TRIM5: variants seen among roughly 807,000 people sequenced by gnomAD.
TRIM5 encodes the protein tripartite motif containing 5, also known as tripartite motif-containing protein 5.
Under a neutral mutation model 35.6 loss-of-function variants are expected in TRIM5, and 31 were observed. The ratio of observed to expected loss-of-function variants is 0.87; its 90% confidence interval spans 0.65 to 1.18. TRIM5 has a LOEUF of 1.18. TRIM5 is among the 50% of genes most tolerant of loss of function. The pLI, the probability that TRIM5 is intolerant of heterozygous loss-of-function variation, is 0.00. For synonymous variants in TRIM5, 243 were observed against 215.6 expected (o/e 1.13, Z -1.11); for missense variants, 609 against 591.6 (o/e 1.03, Z -0.31).
chr11:5,664,788 G>C lies in TRIM5; in HGVS notation c.*21C>G, dbSNP rs779359933. 1 of 1,561,626 alleles carries C rather than the reference G, an allele frequency of 6.4e-7. No homozygotes were observed. The highest frequency in any genetic ancestry group is 1.3e-5 in the South Asian group (1 of 79,956). On this transcript the variant is annotated 3_prime_UTR_variant, in exon 8 of 8. Transcript: ENST00000380034. ...CTGGACAAGAGGTGCTGTACAGAAG[G>C]GGCTGAGTGTGTAAGAAGGTTCAAG...
the TRIM5 span, among the ~76,000 whole-genome samples, chr11:5,599,658 C>T: frequency 6.6e-6 from 1 of 152,162 alleles, no homozygotes; most frequent in Non-Finnish European, 1.5e-5. Flanking sequence ...CTGCCTCAGC[C>T]TCCCAAAGTG....
the TRIM5 span, chr11:5,611,348 C>A: frequency 1.2e-6 from 2 of 1,605,674 alleles, no homozygotes; most frequent in South Asian, 2.2e-5. Flanking sequence ...CTTGAATATT[C>A]TTCTGTTCCC....
chr11:5,663,424 A>G lies in TRIM5; in HGVS notation c.*1385T>C, dbSNP rs1308872488. The G allele has an allele frequency of 1.0e-6, 1 of 984,744 alleles. No homozygotes were observed. The highest frequency in any genetic ancestry group is 6.1e-5 in the Admixed American group (1 of 16,266). 61.0% of individuals were successfully genotyped at this position (984,744 alleles called of 1,614,324 possible). ...AGTCATTTTGACAGTAGTATCTGAGATCTAAAAAATGAGAATTTAGTAAAT... is the reference window on the plus strand; with the variant it reads ...AGTCATTTTGACAGTAGTATCTGAGGTCTAAAAAATGAGAATTTAGTAAAT... On this transcript the variant is annotated 3_prime_UTR_variant, in exon 8 of 8. Coordinates refer to ENST00000380034, the MANE Select transcript of TRIM5 (RefSeq NM_033034.3).
At chr11:5,621,533 T>G in the TRIM5 span, among the ~76,000 whole-genome samples, 36,756 of 152,180 alleles carry the variant, frequency 0.24, 4,880 homozygotes, top group East Asian at 0.45. Flanking sequence ...ACAGCTCAGC[T>G]GAGAGTGAGG....
chr11:5,608,394 G>C, the TRIM5 span: 21 of 1,613,624 alleles, frequency 1.3e-5, no homozygotes, highest in Non-Finnish European at 8.5e-7. Context: ...GTCACAGAAA[G>C]GTATGTGTAA....
chr11:5,597,029 T>C, the TRIM5 span: 2 of 1,554,780 alleles, frequency 1.3e-6, no homozygotes, highest in Non-Finnish European at 1.7e-6. Context: ...TTATTTCTTT[T>C]TCTTTCTCAC....
At chr11:5,655,527 G>T in the TRIM5 span, 1 of 549,564 alleles carries the variant, frequency 1.8e-6, no homozygotes, top group Non-Finnish European at 2.3e-6. Flanking sequence ...ATTAGTCTAT[G>T]GGTAACAAAA....
chr11:5,619,688 A>ATTTTTTTTTTTTT, the TRIM5 span: 2 of 66,030 alleles, frequency 3.0e-5, no homozygotes, highest in African/African-American at 1.2e-4. Flanking sequence ...CCTGTTTTAA[A>ATTTTTTTTTTTTT]TTTTTTTTTT....
At chr11:5,590,998 C>T in the TRIM5 span, 7 of 176,948 alleles carry the variant, frequency 4.0e-5, no homozygotes, top group East Asian at 1.5e-4. Context: ...AGACCAAGAA[C>T]CCACCAATTC....
At chr11:5,657,657 A>AATATATATTTATATTATATTAT in the TRIM5 span, among the ~76,000 whole-genome samples, 1 of 114,182 alleles carries the variant, frequency 8.8e-6, no homozygotes, top group African/African-American at 3.5e-5. Context: ...TATTATATAT[A>AATATATATTTATATTATATTAT]ATATATATTT....
the TRIM5 span, among the ~76,000 whole-genome samples, chr11:5,622,458 AG>A: frequency 1.4e-5 from 2 of 145,208 alleles, no homozygotes; most frequent in African/African-American, 5.1e-5. Flanking sequence ...AAAAAAAAAA[AG>A]AAAAAAAGAA....
At chr11:5,643,698 C>T in the TRIM5 span, 2 of 1,581,232 alleles carry the variant, frequency 1.3e-6, no homozygotes, top group Non-Finnish European at 1.7e-6. Context: ...TCTATGCCCA[C>T]CAAGCTCTTG....
chr11:5,610,154 C>T, the TRIM5 span: 21 of 1,613,990 alleles, frequency 1.3e-5, no homozygotes, highest in East Asian at 2.2e-5. Context: ...GGAGTGAGTT[C>T]TGGACCCTGA....
the TRIM5 span, chr11:5,641,146 T>C: frequency 1.2e-6 from 2 of 1,613,090 alleles, no homozygotes; most frequent in African/African-American, 2.7e-5. Flanking sequence ...CTTTGACTCA[T>C]GTTTTCTCTT....
the TRIM5 span, chr11:5,655,717 A>G: frequency 1.0e-6 from 1 of 985,096 alleles, no homozygotes; most frequent in South Asian, 4.7e-5. Context: ...AAAAAGAATA[A>G]GATAGATAAC....
At chr11:5,608,825 C>T in the TRIM5 span, among the ~76,000 whole-genome samples, 1 of 141,692 alleles carries the variant, frequency 7.1e-6, no homozygotes, top group Non-Finnish European at 1.5e-5. Flanking sequence ...TCAAAATACA[C>T]AGGAATTTTC....
the TRIM5 span, among the ~76,000 whole-genome samples, chr11:5,648,378 T>C: frequency 6.6e-5 from 10 of 151,850 alleles, no homozygotes; most frequent in East Asian, 7.7e-4. Context: ...TGGTGGCGGG[T>C]GCCTGTAATC....
chr11:5,604,290 A>C, the TRIM5 span, among the ~76,000 whole-genome samples: 4 of 152,350 alleles, frequency 2.6e-5, no homozygotes, highest in South Asian at 8.3e-4. Flanking sequence ...CTGGGATTAC[A>C]GGCGTGAGCC....
chr11:5,657,739 T>C, the TRIM5 span, among the ~76,000 whole-genome samples: 191 of 138,940 alleles, frequency 1.4e-3, 2 homozygotes, highest in African/African-American at 5.1e-3. Context: ...TATTATATTC[T>C]GGAATAGCTG....
Sources: gnomAD v4.1 joint callset for allele counts (sites outside exome capture counted in the v4.1 genomes callset) on GRCh38, gnomAD v4.1.1 for gene constraint, MANE v1.5 for transcripts, NCBI Gene and HGNC (gene_info 2026-07-23, HGNC 2026-07-21) for gene names.